KDM2B: variants seen among roughly 807,000 people sequenced by gnomAD.
KDM2B encodes lysine demethylase 2B.
Under a neutral mutation model 150.0 loss-of-function variants are expected in KDM2B, and 26 were observed. That is an observed-to-expected ratio of 0.17 (90% CI 0.13 to 0.24). The LOEUF (loss-of-function observed/expected upper bound fraction) is 0.24, where lower values mean the gene tolerates loss of function less well. KDM2B is among the 10% of genes least tolerant of loss of function. The probability of loss-of-function intolerance (pLI) is 1.00; values close to 1 mark genes in which losing one functional copy is unlikely to be tolerated. For missense variants in KDM2B, 1,265 were observed against 1,816.9 expected (o/e 0.70, Z 5.52); for synonymous variants, 734 against 729.5 (o/e 1.01, Z -0.10).
chr12:121,557,426 G>T lies in KDM2B; in HGVS notation c.398-7788C>A, dbSNP rs892411753. ...CTAATTTTTTTGTATTTTTAGTAGA[G>T]ACGGGGTTTCACCATTTTGCCCAGG... On this transcript the variant is annotated intron_variant, in intron 4 of 22. Coordinates refer to ENST00000377071, the MANE Select transcript of KDM2B (RefSeq NM_032590.5). 1.8e-4 allele frequency among the ~76,000 whole-genome samples: 27 copies of T among 151,962 alleles called. 1 individual carries two copies. The highest frequency in any genetic ancestry group is 6.6e-5 in the Admixed American group (1 of 15,232).
At chr12:121,478,366 T>TTC (rs1881634175) in intron 12 of KDM2B, among the ~76,000 whole-genome samples, 1 of 151,008 alleles carries the variant, frequency 6.6e-6, no homozygotes, top group African/African-American at 2.4e-5. Flanking sequence ...AGATCCTTTT[T>TTC]TTTTTTTTTT....
At chr12:121,422,129 C>T in the KDM2B span, among the ~76,000 whole-genome samples, 1 of 152,184 alleles carries the variant, frequency 6.6e-6, no homozygotes, top group East Asian at 1.9e-4. Context: ...TAATGCCATT[C>T]CCACCCTTAA....
At chr12:121,411,008 C>T in the KDM2B span, among the ~76,000 whole-genome samples, 9 of 152,144 alleles carry the variant, frequency 5.9e-5, no homozygotes, top group Non-Finnish European at 1.3e-4. Context: ...AAGCATAGCT[C>T]ACCATAGTCT....
At chr12:121,514,029 C>A (rs1201362130) in intron 9 of KDM2B, among the ~76,000 whole-genome samples, 1 of 152,150 alleles carries the variant, frequency 6.6e-6, no homozygotes, top group African/African-American at 2.4e-5. Context: ...ACTGCCCAGC[C>A]TGCAAGGCCA....
the KDM2B span, among the ~76,000 whole-genome samples, chr12:121,416,884 CTTTAG>C: frequency 3.9e-5 from 6 of 152,128 alleles, no homozygotes; most frequent in African/African-American, 7.2e-5. Flanking sequence ...TCTCTTTGAT[CTTTAG>C]TTTAGTCTTC....
rs1455097971 is a variant in KDM2B, at chr12:121,521,832, G to A, written c.932-732C>T. On this transcript the variant is annotated intron_variant, in intron 8 of 22. Transcript: ENST00000377071. This position sits in a 1 kb window ranked among gnomAD's most constrained non-coding sequence, Gnocchi z 4.9. Reference sequence around the variant, plus strand: ...CACAAGGGAAACGGAGGCAGGGCCAGGTGTAGTGGTGCACCTCTGTGATCC... The same window carrying A: ...CACAAGGGAAACGGAGGCAGGGCCAAGTGTAGTGGTGCACCTCTGTGATCC... Among the ~76,000 whole-genome samples the A allele has an allele frequency of 6.6e-6, 1 of 152,186 alleles. No homozygotes were observed. Among genetic ancestry groups the A allele is most frequent in the Non-Finnish European group, 1.5e-5 (1 of 68,046 alleles).
intron 12 of KDM2B, among the ~76,000 whole-genome samples, chr12:121,482,738 C>A (rs892811812): frequency 1.3e-5 from 2 of 152,190 alleles, no homozygotes; most frequent in East Asian, 3.8e-4. Context: ...AGACATGAAA[C>A]TAATTGAATA....
At chr12:121,417,058 T>A in the KDM2B span, among the ~76,000 whole-genome samples, 1 of 152,260 alleles carries the variant, frequency 6.6e-6, no homozygotes, top group Non-Finnish European at 1.5e-5. This position sits in a 1 kb window ranked among gnomAD's most constrained non-coding sequence, Gnocchi z 5.0. Flanking sequence ...GTCCTGTATT[T>A]TCTTGGATTC....
chr12:121,482,693 T>C (rs1882292360), intron 12 of KDM2B, among the ~76,000 whole-genome samples: 1 of 152,240 alleles, frequency 6.6e-6, no homozygotes, highest in African/African-American at 2.4e-5. Context: ...CAAACAGGAC[T>C]CAGAAGCATT....
intron 6 of KDM2B, among the ~76,000 whole-genome samples, chr12:121,540,754 C>CAA (rs60199948): frequency 9.0e-4 from 58 of 64,394 alleles, no homozygotes; most frequent in Non-Finnish European, 1.1e-3. Flanking sequence ...GACTCTGTCT[C>CAA]AAAAAAAAAA....
At chr12:121,510,111 T>A in intron 10 of KDM2B, 72 bp from the exon 11 acceptor site, 1 of 1,274,868 alleles carries the variant, frequency 7.8e-7, no homozygotes, top group Non-Finnish European at 1.1e-6. Context: ...GAACCTCCAC[T>A]CACCAAAAGT....
chr12:121,446,228 T>C (rs1482875046), intron 13 of KDM2B, among the ~76,000 whole-genome samples: 1 of 152,166 alleles, frequency 6.6e-6, no homozygotes. Context: ...ACCCCGTCTC[T>C]ACTAAAAATA....
chr12:121,581,954 T>C (rs894805406), upstream of KDM2B, among the ~76,000 whole-genome samples: 7 of 152,336 alleles, frequency 4.6e-5, no homozygotes, highest in Admixed American at 4.6e-4. Flanking sequence ...TCTTTGAAGT[T>C]TGTTTTCATT....
chr12:121,517,643 A>AT (rs1555305253), intron 9 of KDM2B, among the ~76,000 whole-genome samples: 2 of 150,620 alleles, frequency 1.3e-5, no homozygotes, highest in Admixed American at 6.6e-5. Context: ...TAATTTTTGT[A>AT]TTTTTTTAGT....
chr12:121,409,829 C>G, the KDM2B span: 1 of 152,238 alleles, frequency 6.6e-6, no homozygotes, highest in South Asian at 2.1e-4. Context: ...GTGGGTGTTA[C>G]CTGGCACTTC....
intron 11 of KDM2B, among the ~76,000 whole-genome samples, chr12:121,502,760 CAA>C (rs3080029): frequency 0.03 from 1,346 of 45,024 alleles, 12 homozygotes; most frequent in African/African-American, 0.076. Context: ...CCATCTCTAC[CAA>C]AAAAAAAAAA....
Position 121,549,425 on chromosome 12 carries a change from G to T in KDM2B, c.576+35C>A. On this transcript the variant is annotated intron_variant, in intron 5 of 22. Transcript: ENST00000377071. The surrounding 1 kb of genome is among the most constrained non-coding windows in gnomAD (Gnocchi z 4.4). ...GGACAGGGAAGGAGATGAGGTGGAA[G>T]GTATCTGGGGAGGGTACCTGGGCCC... 6.5e-7 allele frequency: 1 copy of T among 1,539,214 alleles called. No individual in the cohort carries two copies. The highest frequency in any genetic ancestry group is 8.8e-7 in the Non-Finnish European group (1 of 1,132,946).
At chr12:121,427,209 T>C (rs1446797405), downstream of KDM2B, among the ~76,000 whole-genome samples, 2 of 151,686 alleles carry the variant, frequency 1.3e-5, no homozygotes, top group Admixed American at 6.6e-5. Context: ...GCTTGTAGCA[T>C]TTAGCCTCGG....
intron 8 of KDM2B, among the ~76,000 whole-genome samples, chr12:121,532,557 G>A (rs1171795690): frequency 6.6e-6 from 1 of 152,174 alleles, no homozygotes; most frequent in Non-Finnish European, 1.5e-5. Flanking sequence ...ACAGGGATTC[G>A]AGTCTCCCCT....
Sources: allele counts gnomAD v4.1 joint callset (sites outside exome capture counted in the v4.1 genomes callset), GRCh38; gene constraint gnomAD v4.1.1; non-coding constraint Gnocchi (gnomAD v3.1); transcripts MANE v1.5; gene names NCBI Gene and HGNC (gene_info 2026-07-23, HGNC 2026-07-21).